Variants in NFKB2 observed in about 807,000 individuals in gnomAD.
The protein encoded by NFKB2 is nuclear factor NF-kappa-B p100 subunit.
In NFKB2, 21 loss-of-function variants were observed where a neutral mutation model predicts 109.3. The observed-to-expected ratio is 0.19, with a 90% CI of 0.14 to 0.28. The LOEUF (loss-of-function observed/expected upper bound fraction) is 0.28. Ranked by LOEUF, NFKB2 falls within the 10% of genes least tolerant of loss-of-function variation. The pLI, the probability that NFKB2 is intolerant of heterozygous loss-of-function variation, is 1.00. For missense variants in NFKB2, 806 were observed against 1,185.3 expected, an observed-to-expected ratio of 0.68 and a Z score of 4.70; for synonymous variants, 478 against 489.9, an observed-to-expected ratio of 0.98 and a Z score of 0.32.
chr10:102,401,510 G>C lies in NFKB2; in HGVS notation c.2285G>C (p.Ser762Thr). The part of the protein sequence containing the change: ...NTMEPPLTPP[S>T]PAGPGLSLGD... ...ATGGAGCCACCCCTGACCCCGCCCA[G>C]CCCAGCAGGTGAGAAGCATCAGGCA... The change falls in exon 20 of 23, where the codon AGC becomes ACC. Residue 762 changes from serine (S) to threonine (T), a missense_variant. Ser to Thr is a moderately conservative substitution (Grantham distance 58, BLOSUM62 1). This residue lies in a region of NFKB2 where 211 missense variants were observed against 268.7 expected (regional missense o/e 0.79). Transcript: ENST00000661543. The surrounding 1 kb of genome is among the most constrained non-coding windows in gnomAD (Gnocchi z 4.2). 1 of 1,612,938 alleles carries C rather than the reference G, an allele frequency of 6.2e-7. No homozygotes were observed. The highest frequency in any genetic ancestry group is 1.3e-5 in the African/African-American group (1 of 74,968).
chr10:102,399,978 G>C (rs2061199363), intron 14 of NFKB2, 102 bp from the exon 15 acceptor site: 2 of 1,265,328 alleles, frequency 1.6e-6, no homozygotes, highest in Non-Finnish European at 2.2e-6. Flanking sequence ...CCACGTGCTG[G>C]GTTCCATGGG....
At chr10:102,395,502 G>A (rs1243311651), upstream of NFKB2, among the ~76,000 whole-genome samples, 2 of 152,162 alleles carry the variant, frequency 1.3e-5, no homozygotes, top group African/African-American at 4.8e-5. Context: ...CCCTGCCCTG[G>A]AGGGAGGAGG....
chr10:102,400,808 C>A lies in NFKB2; in HGVS notation c.1952C>A (p.Thr651Asn). The A allele has an allele frequency of 6.3e-7, 1 of 1,596,860 alleles. No individual in the cohort carries two copies. Among genetic ancestry groups the A allele is most frequent in the Non-Finnish European group, 8.5e-7 (1 of 1,170,550 alleles). ...ATEMEELGLV[T>N]HLVTKLRANV... ...GAGATGGAGGAGCTGGGGTTGGTCA[C>A]CCATCTGGTCACCAAGGTGGGACTG... The change falls in exon 17 of 23, where the codon ACC becomes AAC. Residue 651 changes from threonine to asparagine, a missense_variant. This residue lies in a region of NFKB2 where 6 missense variants were observed against 29.1 expected (regional missense o/e 0.21). Transcript: ENST00000661543. The surrounding 1 kb of genome is among the most constrained non-coding windows in gnomAD (Gnocchi z 6.3).
In NFKB2 at chr10:102,398,359, A is replaced by G; in HGVS notation, c.853-26A>G. On this transcript the variant is annotated intron_variant, in intron 10 of 22. Coordinates refer to ENST00000661543, the MANE Select transcript of NFKB2 (RefSeq NM_001322934.2). This position sits in a 1 kb window ranked among gnomAD's most constrained non-coding sequence, Gnocchi z 6.6. The stretch of plus-strand genomic sequence containing the variant: ...TAAATTAGGCTAAGGACTCACTGAC[A>G]CCCTGTGTCTCCCTGCACCCCCCAG... 6.2e-7 allele frequency: 1 copy of G among 1,613,656 alleles called. No individual in the cohort carries two copies.
Position 102,400,527 on chromosome 10 carries a change from C to T in NFKB2, c.1798+36C>T, listed in dbSNP as rs556000230. On this transcript the variant is annotated intron_variant, in intron 16 of 22. Coordinates refer to ENST00000661543, the MANE Select transcript of NFKB2 (RefSeq NM_001322934.2). The surrounding 1 kb of genome is among the most constrained non-coding windows in gnomAD (Gnocchi z 6.3). Reference sequence around the variant, plus strand: ...CATCTCACCTGACTAAGGGGGCAGGCGGGGACCAGGGAGGGTATCTGGCCA... The same window carrying T: ...CATCTCACCTGACTAAGGGGGCAGGTGGGGACCAGGGAGGGTATCTGGCCA... The T allele has an allele frequency of 2.4e-5, 38 of 1,586,738 alleles. No homozygotes were observed. Among genetic ancestry groups the T allele is most frequent in the African/African-American group, 6.7e-5 (5 of 74,280 alleles).
chr10:102,397,528 G>A lies in NFKB2; in HGVS notation c.504G>A (p.Glu168=). Residue 168 remains glutamate, a splice_region_variant and synonymous_variant, in exon 8 of 23, where the codon GAG becomes GAA. Transcript: ENST00000661543. This position sits in a 1 kb window ranked among gnomAD's most constrained non-coding sequence, Gnocchi z 4.7. ...RLRSRPQGLT[E]AEQRELEQEA... is the part of the protein sequence containing the mutation. The stretch of plus-strand genomic sequence containing the variant: ...GTCACACATGTACCTACTGCCCAGA[G>A]GCCGAGCAGCGGGAGCTGGAGCAAG... 6.2e-7 allele frequency: 1 copy of A among 1,612,866 alleles called. No individual in the cohort carries two copies. The highest frequency in any genetic ancestry group is 8.5e-7 in the Non-Finnish European group (1 of 1,179,138).
At position 102,398,740 on chromosome 10, in the gene NFKB2, C is replaced by A. The variant is rs1169085156; in HGVS notation, c.993C>A (p.Asp331Glu). 3 of 1,612,220 alleles carry A rather than the reference C, an allele frequency of 1.9e-6. No individual in the cohort carries two copies. Among genetic ancestry groups the A allele is most frequent in the Non-Finnish European group, 2.5e-6 (3 of 1,180,022 alleles). The change falls in exon 12 of 23, where the codon GAC (aspartate) becomes GAA (glutamate). Residue 331 changes from aspartate (D) to glutamate (E), a missense_variant and splice_region_variant. Asp to Glu is a conservative substitution (Grantham distance 45). Transcript: ENST00000661543. This position sits in a 1 kb window ranked among gnomAD's most constrained non-coding sequence, Gnocchi z 6.6. Reference protein sequence around the residue: ...KQFTYYPLVEDKEEVQRKRRK... With the variant: ...KQFTYYPLVEEKEEVQRKRRK... ...AATCTCATTTTCCTCTGCCCCCAGA[C>A]AAGGAAGAGGTGCAGCGGAAGCGGA...
rs1359287746 is a variant in NFKB2 at position 102,399,562 on chromosome 10, C to T, written c.1328-15C>T. ...TGAGGACCTAGCCCTGACCCACGCCCTCTGTGGCCCGTAGCTCGAGAGTAC... is the reference window on the plus strand; with the variant it reads ...TGAGGACCTAGCCCTGACCCACGCCTTCTGTGGCCCGTAGCTCGAGAGTAC... On this transcript the variant is annotated splice_polypyrimidine_tract_variant and intron_variant, in intron 13 of 22. Coordinates refer to ENST00000661543, the MANE Select transcript of NFKB2 (RefSeq NM_001322934.2). The T allele has an allele frequency of 3.2e-6, 5 of 1,548,120 alleles. No individual in the cohort carries two copies. The highest frequency in any genetic ancestry group is 4.4e-6 in the Non-Finnish European group (5 of 1,146,406).
rs1409282059 is a variant in NFKB2 at position 102,397,947 on chromosome 10, C to T, written c.662-34C>T. The T allele has an allele frequency of 6.2e-7, 1 of 1,602,614 alleles. No individual in the cohort carries two copies. The highest frequency in any genetic ancestry group is 8.5e-7 in the Non-Finnish European group (1 of 1,169,794). ...TTCTTAAATGTGGCCTTGGCTATTG[C>T]ATCATCTCAACTAATCCATATCCCA... On this transcript the variant is annotated intron_variant, in intron 8 of 22. Transcript: ENST00000661543. The surrounding 1 kb of genome is among the most constrained non-coding windows in gnomAD (Gnocchi z 4.7).
In NFKB2 at chr10:102,398,336, A is replaced by T. The variant is rs757253178; in HGVS notation, c.852+39A>T. 1 of 1,614,058 alleles carries T rather than the reference A, an allele frequency of 6.2e-7. No individual in the cohort carries two copies. Among genetic ancestry groups the T allele is most frequent in the Admixed American group, 1.7e-5 (1 of 60,014 alleles). Reference sequence around the variant, plus strand: ...GGGCCCGGGCCCGGGCTGGGGGCTAAATTAGGCTAAGGACTCACTGACACC... The same window carrying T: ...GGGCCCGGGCCCGGGCTGGGGGCTATATTAGGCTAAGGACTCACTGACACC... On this transcript the variant is annotated intron_variant, in intron 10 of 22. Coordinates refer to ENST00000661543, the MANE Select transcript of NFKB2 (RefSeq NM_001322934.2). This position sits in a 1 kb window ranked among gnomAD's most constrained non-coding sequence, Gnocchi z 6.6.
chr10:102,396,469 A>T lies in NFKB2; in HGVS notation c.124A>T (p.Ile42Phe), dbSNP rs1396772862. ...CCCAGCTGATGGCCCCTACCTGGTGATCGTGGAACAGCCTAAGCAGGTGAG... is the reference window on the plus strand; with the variant it reads ...CCCAGCTGATGGCCCCTACCTGGTGTTCGTGGAACAGCCTAAGCAGGTGAG... ...PETADGPYLV[I>F]VEQPKQRGFR... is the part of the protein sequence containing the mutation. The change falls in exon 4 of 23, where the codon ATC becomes TTC. Residue 42 changes from isoleucine (I) to phenylalanine (F), a missense_variant. Physicochemically the swap from Ile to Phe is conservative, Grantham distance 21. Transcript: ENST00000661543. The surrounding 1 kb of genome is among the most constrained non-coding windows in gnomAD (Gnocchi z 5.9). The T allele has an allele frequency of 6.2e-7, 1 of 1,613,858 alleles. No individual in the cohort carries two copies. The highest frequency in any genetic ancestry group is 1.3e-5 in the African/African-American group (1 of 74,896).
In NFKB2 at chr10:102,396,540, T is replaced by C. The variant is rs761059711; in HGVS notation, c.144+51T>C. The C allele has an allele frequency of 6.2e-7, 1 of 1,612,296 alleles. No homozygotes were observed. Among genetic ancestry groups the C allele is most frequent in the Non-Finnish European group, 8.5e-7 (1 of 1,179,498 alleles). The stretch of plus-strand genomic sequence containing the variant: ...GAATGGCTTCAGCTTTGGGGACAAA[T>C]GGGGTAGTGGTAGCTGGCTGGCCAT... On this transcript the variant is annotated intron_variant, in intron 4 of 22. Coordinates refer to ENST00000661543, the MANE Select transcript of NFKB2 (RefSeq NM_001322934.2). This position sits in a 1 kb window ranked among gnomAD's most constrained non-coding sequence, Gnocchi z 5.9.
At position 102,401,564 on chromosome 10, in the gene NFKB2, C is replaced by G; in HGVS notation, c.2293+46C>G. The G allele has an allele frequency of 1.9e-6, 3 of 1,599,982 alleles. No individual in the cohort carries two copies. In the South Asian group the frequency reaches 3.3e-5, roughly 18 times the overall value. ...CCAGCCCGACTCCTCTGACTCCTCA[C>G]AGAGGTCTCTTCTCCTTCAGGACCT... On this transcript the variant is annotated intron_variant, in intron 20 of 22. Transcript: ENST00000661543. The surrounding 1 kb of genome is among the most constrained non-coding windows in gnomAD (Gnocchi z 4.2).
At chr10:102,394,786 T>C (rs2061070465), upstream of NFKB2, 1 of 152,440 alleles carries the variant, frequency 6.6e-6, no homozygotes, top group South Asian at 2.1e-4. Context: ...TACGTACACC[T>C]GTACCTGTGC....
rs745979504 is a variant in NFKB2, at chr10:102,401,708, G to T, written c.2294-37G>T. 6.4e-7 allele frequency: 1 copy of T among 1,566,942 alleles called. No individual in the cohort carries two copies. The highest frequency in any genetic ancestry group is 1.4e-5 in the African/African-American group (1 of 73,872). On this transcript the variant is annotated intron_variant, in intron 20 of 22. Transcript: ENST00000661543. The surrounding 1 kb of genome is among the most constrained non-coding windows in gnomAD (Gnocchi z 4.2). ...GTGTCCATGTCCCCACCCAACTCTGGAGGTAAATGACATGTCTGTATGTGT... is the reference window on the plus strand; with the variant it reads ...GTGTCCATGTCCCCACCCAACTCTGTAGGTAAATGACATGTCTGTATGTGT...
chr10:102,399,476 G>A lies in NFKB2; in HGVS notation c.1306G>A (p.Ala436Thr). The change falls in exon 13 of 23, where the codon GCC becomes ACC. Residue 436 changes from alanine to threonine, a missense_variant. Ala to Thr is a moderately conservative substitution (Grantham distance 58). This residue lies in a region of NFKB2 where 209 missense variants were observed against 211.9 expected (regional missense o/e 0.99). Coordinates refer to ENST00000661543, the MANE Select transcript of NFKB2 (RefSeq NM_001322934.2). Reference protein sequence around the residue: ...PSRTPQCEPQAPEMLQRAREY... With the variant: ...PSRTPQCEPQTPEMLQRAREY... ...CAGGACCCCCCAGTGCGAGCCGCAG[G>A]CCCCGGAGATGCTGCAGCGAGGTAT... is the stretch of plus-strand genomic sequence containing the variant. The A allele has an allele frequency of 1.3e-6, 2 of 1,495,914 alleles. No individual in the cohort carries two copies. Among genetic ancestry groups the A allele is most frequent in the Non-Finnish European group, 1.8e-6 (2 of 1,120,826 alleles). 92.7% of individuals were successfully genotyped at this position (1,495,914 alleles called of 1,614,324 possible).
At chr10:102,399,881 T>G (rs2061197026) in intron 14 of NFKB2, 163 bp downstream of exon 14, 2 of 1,191,380 alleles carry the variant, frequency 1.7e-6, no homozygotes, top group Non-Finnish European at 2.3e-6. Flanking sequence ...TTCAGTTTGG[T>G]CGACCGTGCA....
chr10:102,401,527 C>T lies in NFKB2; in HGVS notation c.2293+9C>T, dbSNP rs752429321. ...CCCGCCCAGCCCAGCAGGTGAGAAG[C>T]ATCAGGCATCCCCAGCCCGACTCCT... On this transcript the variant is annotated intron_variant, in intron 20 of 22. Transcript: ENST00000661543. This position sits in a 1 kb window ranked among gnomAD's most constrained non-coding sequence, Gnocchi z 4.2. 9.9e-6 allele frequency: 16 copies of T among 1,612,044 alleles called. No homozygotes were observed. The South Asian group carries it at 1.6e-4, about 17-fold the overall frequency.
In NFKB2 at chr10:102,398,934, C is replaced by A; in HGVS notation, c.1117+70C>A. ...GTGGAGGAAAAAAATCTGGGGGAGG[C>A]CGGGCGTGGTGGCTCACGCCTGTAA... On this transcript the variant is annotated intron_variant, in intron 12 of 22. Transcript: ENST00000661543. This position sits in a 1 kb window ranked among gnomAD's most constrained non-coding sequence, Gnocchi z 6.6. 1.3e-6 allele frequency: 2 copies of A among 1,514,976 alleles called. No individual in the cohort carries two copies. Among genetic ancestry groups the A allele is most frequent in the Non-Finnish European group, 8.9e-7 (1 of 1,119,012 alleles). 93.8% of individuals were successfully genotyped at this position (1,514,976 alleles called of 1,614,324 possible). A position where few individuals can be genotyped will look rare whatever the true frequency, so the allele number is the denominator to read the frequency against.
Sources: allele counts gnomAD v4.1 joint callset (sites outside exome capture counted in the v4.1 genomes callset), GRCh38; gene constraint gnomAD v4.1.1; regional missense constraint gnomAD v4.1.1; non-coding constraint Gnocchi (gnomAD v3.1); transcripts MANE v1.5; gene names NCBI Gene and HGNC (gene_info 2026-07-23, HGNC 2026-07-21).